Variants in RHEB observed in about 807,000 individuals in gnomAD.
The protein encoded by RHEB is Ras homolog, mTORC1 binding.
A neutral mutation model predicts 28.8 loss-of-function variants in RHEB; 2 were observed. The ratio of observed to expected loss-of-function variants is 0.07; its 90% CI spans 0.03 to 0.22. The LOEUF is 0.22. Ranked by LOEUF, RHEB falls within the 10% of genes least tolerant of loss-of-function variation. The probability of loss-of-function intolerance (pLI) is 1.00; values close to 1 mark genes in which losing one functional copy is unlikely to be tolerated. For missense variants in RHEB, 76 were observed against 219.9 expected (o/e 0.35, Z 4.14); for synonymous variants, 69 against 77.3 (o/e 0.89, Z 0.56).
intron 1 of RHEB, among the ~76,000 whole-genome samples, chr7:151,517,509 T>C (rs1803103055): frequency 1.3e-5 from 2 of 149,846 alleles, no homozygotes; most frequent in South Asian, 4.2e-4. Context: ...AGACAGAAAA[T>C]AGGGACTAAA....
chr7:151,502,654 T>G (rs994954094), intron 1 of RHEB: 2 of 1,608,458 alleles, frequency 1.2e-6, no homozygotes, highest in African/African-American at 2.7e-5. Flanking sequence ...TGGTGCACTT[T>G]TTGGCACACT....
chr7:151,482,851 G>C lies in RHEB; in HGVS notation c.192+1886C>G, dbSNP rs1033577997. 2.6e-5 allele frequency among the ~76,000 whole-genome samples: 4 copies of C among 152,142 alleles called. No individual in the cohort carries two copies. The South Asian group carries it at 8.3e-4, about 32-fold the overall frequency. On this transcript the variant is annotated intron_variant, in intron 3 of 7. Coordinates refer to ENST00000262187, the MANE Select transcript of RHEB (RefSeq NM_005614.4). ...CAATCCAAAACAATTTCCTACTCAA[G>C]CGGCTCTTCCCTTCCCTACTAATTT... is the stretch of plus-strand genomic sequence containing the variant.
intron 1 of RHEB, among the ~76,000 whole-genome samples, chr7:151,500,571 G>A (rs1340338340): frequency 2.6e-5 from 4 of 152,146 alleles, no homozygotes; most frequent in Admixed American, 2.0e-4. Flanking sequence ...GAGAGGCTGC[G>A]GCAGTAGCTC....
At chr7:151,517,370 GAAAAAAAAAAA>G (rs761761069) in intron 1 of RHEB, among the ~76,000 whole-genome samples, 1 of 61,612 alleles carries the variant, frequency 1.6e-5, no homozygotes, top group African/African-American at 3.5e-5. Flanking sequence ...CTCCGTCTCG[GAAAAAAAAAAA>G]AAAAAAAATC....
rs192042452 is a variant in RHEB, at chr7:151,513,900, T to C, written c.52+5560A>G. On this transcript the variant is annotated intron_variant, in intron 1 of 7. Coordinates refer to ENST00000262187, the MANE Select transcript of RHEB (RefSeq NM_005614.4). The stretch of plus-strand genomic sequence containing the variant: ...TTGCTTTTTTGGCAGAAACTGGCAA[T>C]CTAGTCCTAAAATTCAATATGGAAA... Among the ~76,000 whole-genome samples the C allele has an allele frequency of 3.5e-3, 540 of 152,300 alleles. 3 individuals are homozygous for C. The highest frequency in any genetic ancestry group is 0.01 in the Middle Eastern group (3 of 294).
rs941748312 is a variant in RHEB at position 151,475,583 on chromosome 7, T to C, written c.275+1750A>G. Reference sequence around the variant, plus strand: ...ATACAACTGAAATTAAAAAAATCTTTGTATAAAAATGGCCAATAGTTTTAC... The same window carrying C: ...ATACAACTGAAATTAAAAAAATCTTCGTATAAAAATGGCCAATAGTTTTAC... On this transcript the variant is annotated intron_variant, in intron 4 of 7. Transcript: ENST00000262187. Among the ~76,000 whole-genome samples, 4 of 152,228 alleles carry C rather than the reference T, an allele frequency of 2.6e-5. No individual in the cohort carries two copies. In the South Asian group the frequency reaches 8.3e-4, roughly 31 times the overall value.
At chr7:151,488,125 A>G (rs532096533) in intron 2 of RHEB, among the ~76,000 whole-genome samples, 1 of 152,328 alleles carries the variant, frequency 6.6e-6, no homozygotes, top group Non-Finnish European at 1.5e-5. Context: ...TTTAGTTATA[A>G]ACTACCACTA....
In RHEB at chr7:151,467,026, GA is replaced by G. The variant is rs952722238; in HGVS notation, c.*92del. On this transcript the variant is annotated 3_prime_UTR_variant, in exon 8 of 8. Coordinates refer to ENST00000262187, the MANE Select transcript of RHEB (RefSeq NM_005614.4). Reference sequence around the variant, plus strand: ...AATGATATCTTTCAGGTTAACAGAAGAAAAAAGAAGCATAGTTTATCTTCAA... The same window carrying G: ...AATGATATCTTTCAGGTTAACAGAAGAAAAAGAAGCATAGTTTATCTTCAA... 5 of 899,236 alleles carry G rather than the reference GA, an allele frequency of 5.6e-6. No homozygotes were observed. Among genetic ancestry groups the G allele is most frequent in the Non-Finnish European group, 7.2e-6 (4 of 552,822 alleles). The allele number at this position is 899,236 out of a possible 1,614,324, so 55.7% of individuals were successfully genotyped here. A position where few individuals can be genotyped will look rare whatever the true frequency, so the allele number is the denominator to read the frequency against.
intron 1 of RHEB, among the ~76,000 whole-genome samples, chr7:151,518,614 C>T (rs1413395588): frequency 1.3e-5 from 2 of 152,138 alleles, no homozygotes; most frequent in Non-Finnish European, 2.9e-5. Context: ...ACCCCGTCCG[C>T]CCCCCAACCC....
chr7:151,494,551 A>G (rs1175828720), intron 1 of RHEB, among the ~76,000 whole-genome samples: 2 of 152,214 alleles, frequency 1.3e-5, no homozygotes. Flanking sequence ...CATTCCGGTA[A>G]CAGACAATGT....
chr7:151,479,843 G>A (rs1336809172), intron 3 of RHEB, among the ~76,000 whole-genome samples: 1 of 151,986 alleles, frequency 6.6e-6, no homozygotes. Context: ...CACATATCAA[G>A]GGGAATCTCA....
intron 1 of RHEB, among the ~76,000 whole-genome samples, chr7:151,514,831 G>A (rs1238890874): frequency 6.6e-6 from 1 of 152,072 alleles, no homozygotes; most frequent in East Asian, 1.9e-4. Flanking sequence ...GAGGTCAAGA[G>A]TTCAAGACCA....
In RHEB at chr7:151,502,762, A is replaced by G. The variant is rs752371409; in HGVS notation, c.53-11748T>C. ...GCCCGTTTAAAAATGGAAAAGCGAC[A>G]TAACTATGTTCAGAAAGTAGCAGAG... On this transcript the variant is annotated intron_variant, in intron 1 of 7. Coordinates refer to ENST00000262187, the MANE Select transcript of RHEB (RefSeq NM_005614.4). 80 of 1,500,588 alleles carry G rather than the reference A, an allele frequency of 5.3e-5. No homozygotes were observed. In the Middle Eastern group the frequency reaches 9.2e-4, roughly 17 times the overall value. The allele number at this position is 1,500,588 out of a possible 1,614,324, so 93.0% of individuals were successfully genotyped here.
chr7:151,480,909 C>T (rs933065072), intron 3 of RHEB, among the ~76,000 whole-genome samples: 12 of 152,162 alleles, frequency 7.9e-5, no homozygotes, highest in Admixed American at 7.9e-4. Flanking sequence ...GTTTCAAAAT[C>T]CTGACCTAAA....
At position 151,513,304 on chromosome 7, in the gene RHEB, C is replaced by G. The variant is rs190864928; in HGVS notation, c.52+6156G>C. Among the ~76,000 whole-genome samples the G allele has an allele frequency of 7.0e-3, 1,067 of 152,252 alleles. 11 individuals carry two copies. The highest frequency in any genetic ancestry group is 0.034 in the Middle Eastern group (10 of 294). On this transcript the variant is annotated intron_variant, in intron 1 of 7. Coordinates refer to ENST00000262187, the MANE Select transcript of RHEB (RefSeq NM_005614.4). ...CTATCATTATTGCAAATGTGAATAGCTGGCAGACATTTTCTTGGAAATTAA... is the reference window on the plus strand; with the variant it reads ...CTATCATTATTGCAAATGTGAATAGGTGGCAGACATTTTCTTGGAAATTAA...
At chr7:151,470,024 TA>T (rs1478207905) in intron 7 of RHEB, among the ~76,000 whole-genome samples, 2 of 152,200 alleles carry the variant, frequency 1.3e-5, no homozygotes, top group Non-Finnish European at 2.9e-5. Flanking sequence ...GAAGGGCTCA[TA>T]CAGGACTGTG....
chr7:151,492,867 C>A (rs1802609125), intron 1 of RHEB, among the ~76,000 whole-genome samples: 1 of 126,952 alleles, frequency 7.9e-6, no homozygotes, highest in African/African-American at 2.9e-5. Context: ...GAGACGGAGT[C>A]TTGCTGTGTC....
At chr7:151,488,443 T>A (rs536505397) in intron 2 of RHEB, among the ~76,000 whole-genome samples, 1 of 152,238 alleles carries the variant, frequency 6.6e-6, no homozygotes, top group African/African-American at 2.4e-5. Flanking sequence ...AGCAGTTTTT[T>A]AAAATCATGA....
Position 151,477,389 on chromosome 7 carries a change from T to C in RHEB, c.219A>G (p.Thr73=), listed in dbSNP as rs969145070. The C allele has an allele frequency of 2.5e-6, 4 of 1,581,998 alleles. No homozygotes were observed. Among genetic ancestry groups the C allele is most frequent in the Non-Finnish European group, 3.5e-6 (4 of 1,157,088 alleles). ...GQDEYSIFPQ[T]YSIDINGYIL... is the part of the protein sequence containing the mutation. ...TATAGCCATTAATATCTATGGAGTATGTCTGAGGAAAGATAGAATATTCAT... is the reference window on the plus strand; with the variant it reads ...TATAGCCATTAATATCTATGGAGTACGTCTGAGGAAAGATAGAATATTCAT... The change falls in exon 4 of 8, where the codon ACA becomes ACG. Residue 73 remains threonine, a synonymous_variant. Coordinates refer to ENST00000262187, the MANE Select transcript of RHEB (RefSeq NM_005614.4).
Sources: gnomAD v4.1 joint callset for allele counts (sites outside exome capture counted in the v4.1 genomes callset) on GRCh38, gnomAD v4.1.1 for gene constraint, MANE v1.5 for transcripts, NCBI Gene and HGNC (gene_info 2026-07-23, HGNC 2026-07-21) for gene names.